FAM163B: variants seen among roughly 807,000 people sequenced by gnomAD.
FAM163B encodes family with sequence similarity 163 member B.
A neutral mutation model predicts 7.6 loss-of-function variants in FAM163B; 4 were observed. That is an observed-to-expected ratio of 0.52 (90% CI 0.26 to 1.20). The LOEUF (loss-of-function observed/expected upper bound fraction) is 1.20. Among genes scored for constraint, FAM163B ranks in the 50% most tolerant of loss-of-function variants. The probability of loss-of-function intolerance (pLI) is 0.14; values close to 1 mark genes in which losing one functional copy is unlikely to be tolerated. For missense variants in FAM163B, 250 were observed against 243.0 expected, an observed-to-expected ratio of 1.03 and a Z score of -0.19; for synonymous variants, 120 against 111.6, an observed-to-expected ratio of 1.07 and a Z score of -0.47.
chr9:133,597,246 C>T (rs931853386), intron 1 of FAM163B, among the ~76,000 whole-genome samples: 1 of 152,004 alleles, frequency 6.6e-6, no homozygotes, highest in Non-Finnish European at 1.5e-5. Flanking sequence ...GTTCAAAACA[C>T]CAGAGGAAAA....
chr9:133,608,324 C>T (rs934119884), intron 1 of FAM163B, among the ~76,000 whole-genome samples: 3 of 152,178 alleles, frequency 2.0e-5, no homozygotes, highest in African/African-American at 7.2e-5. Context: ...TCCGTGGCTG[C>T]GGGAGGACAG....
intron 1 of FAM163B, among the ~76,000 whole-genome samples, chr9:133,584,791 C>G (rs371446639): frequency 6.6e-6 from 1 of 152,204 alleles, no homozygotes; most frequent in African/African-American, 2.4e-5. Flanking sequence ...GGCCAAGCCT[C>G]GGAGGCAGAG....
chr9:133,608,268 G>T (rs1831813170), intron 1 of FAM163B, among the ~76,000 whole-genome samples: 1 of 152,224 alleles, frequency 6.6e-6, no homozygotes, highest in African/African-American at 2.4e-5. Flanking sequence ...GAGCCATCGG[G>T]GTTGCTACGG....
At chr9:133,588,998 G>A (rs1831495329) in intron 1 of FAM163B, among the ~76,000 whole-genome samples, 1 of 152,062 alleles carries the variant, frequency 6.6e-6, no homozygotes, top group Non-Finnish European at 1.5e-5. Context: ...TTCAGGCCCC[G>A]TCTCTCTGTC....
At chr9:133,604,518 T>G (rs189612852) in intron 1 of FAM163B, among the ~76,000 whole-genome samples, 2 of 152,228 alleles carry the variant, frequency 1.3e-5, no homozygotes, top group Admixed American at 1.3e-4. Flanking sequence ...AAAAGCTGAA[T>G]AGCTTGGTTT....
At position 133,608,791 on chromosome 9, in the gene FAM163B, C is replaced by T. The variant is rs144515564; in HGVS notation, c.-24+286G>A. Among the ~76,000 whole-genome samples, 1,368 of 152,340 alleles carry T rather than the reference C, an allele frequency of 9.0e-3. 24 individuals carry two copies. The highest frequency in any genetic ancestry group is 0.031 in the African/African-American group (1,298 of 41,580). The stretch of plus-strand genomic sequence containing the variant: ...AACTTTCCCTCCCCACTGCCCCCTG[C>T]CCCCAGGCCACTGTTCCGAGGGAAA... On this transcript the variant is annotated intron_variant, in intron 1 of 2. Transcript: ENST00000673969.
intron 1 of FAM163B, among the ~76,000 whole-genome samples, chr9:133,594,534 C>T (rs1375652312): frequency 1.3e-5 from 2 of 152,122 alleles, no homozygotes; most frequent in East Asian, 3.9e-4. Context: ...GAAGATGGCT[C>T]CCTCTTCTGG....
At chr9:133,591,831 G>A (rs746729826) in intron 1 of FAM163B, among the ~76,000 whole-genome samples, 3 of 152,108 alleles carry the variant, frequency 2.0e-5, no homozygotes, top group Non-Finnish European at 4.4e-5. Flanking sequence ...AGGCCTGTCC[G>A]TGTGGCCTCT....
intron 1 of FAM163B, among the ~76,000 whole-genome samples, chr9:133,602,346 C>T (rs1588334451): frequency 1.3e-5 from 2 of 152,198 alleles, no homozygotes; most frequent in South Asian, 4.2e-4. Flanking sequence ...TGGAAGAGTT[C>T]GAATCCGGGT....
chr9:133,595,757 C>T (rs1041261506), intron 1 of FAM163B, among the ~76,000 whole-genome samples: 1 of 152,214 alleles, frequency 6.6e-6, no homozygotes, highest in Non-Finnish European at 1.5e-5. Context: ...GGTTGCTCTC[C>T]ACCCCCTTAA....
At position 133,601,592 on chromosome 9, in the gene FAM163B, G is replaced by T. The variant is rs1035795571; in HGVS notation, c.-24+7485C>A. Among the ~76,000 whole-genome samples, 2 of 152,132 alleles carry T rather than the reference G, an allele frequency of 1.3e-5. No homozygotes were observed. Among genetic ancestry groups the T allele is most frequent in the South Asian group, 4.1e-4 (2 of 4,826 alleles). ...CATGGGTCAGACGCAGCTACCCCCC[G>T]GACTGCTCCTACACGCTGGCTTGCT... On this transcript the variant is annotated intron_variant, in intron 1 of 2. Transcript: ENST00000673969. The surrounding 1 kb of genome is among the most constrained non-coding windows in gnomAD (Gnocchi z 4.1).
At position 133,577,710 on chromosome 9, in the gene FAM163B, G is replaced by T. The variant is rs924524439; in HGVS notation, c.*1312C>A. 6.6e-6 allele frequency among the ~76,000 whole-genome samples: 1 copy of T among 152,246 alleles called. No individual in the cohort carries two copies. Among genetic ancestry groups the T allele is most frequent in the Non-Finnish European group, 1.5e-5 (1 of 68,040 alleles). ...GAGGGAAGGGGGCTCCTGGGGCCAG[G>T]CTGCTGAGAGGAAATAATTGCCTCT... On this transcript the variant is annotated 3_prime_UTR_variant, in exon 3 of 3. Coordinates refer to ENST00000673969, the MANE Select transcript of FAM163B (RefSeq NM_001080515.3).
chr9:133,605,340 G>T (rs556488029), intron 1 of FAM163B, among the ~76,000 whole-genome samples: 1 of 152,216 alleles, frequency 6.6e-6, no homozygotes, highest in South Asian at 2.1e-4. Context: ...CTGAGCTACA[G>T]AAGCTGTGCT....
At chr9:133,596,260 A>G (rs905978093) in intron 1 of FAM163B, among the ~76,000 whole-genome samples, 1 of 151,946 alleles carries the variant, frequency 6.6e-6, no homozygotes, top group Non-Finnish European at 1.5e-5. Context: ...GGAGCCCCCG[A>G]GTTTGCCATG....
chr9:133,587,746 C>A (rs922008624), intron 1 of FAM163B, among the ~76,000 whole-genome samples: 1 of 152,086 alleles, frequency 6.6e-6, no homozygotes, highest in African/African-American at 2.4e-5. Flanking sequence ...CTGGGACTCT[C>A]AGGCTGGAGC....
intron 1 of FAM163B, among the ~76,000 whole-genome samples, chr9:133,586,707 T>C (rs1406947135): frequency 6.6e-6 from 1 of 152,094 alleles, no homozygotes; most frequent in Non-Finnish European, 1.5e-5. Flanking sequence ...GAATGGAAGC[T>C]GTTTCCACGT....
At chr9:133,594,982 G>T (rs975501308) in intron 1 of FAM163B, among the ~76,000 whole-genome samples, 1 of 152,168 alleles carries the variant, frequency 6.6e-6, no homozygotes, top group African/African-American at 2.4e-5. Context: ...AGGCAGCAGG[G>T]CGTTGGTGCC....
At chr9:133,593,835 G>A (rs1223775052) in intron 1 of FAM163B, among the ~76,000 whole-genome samples, 1 of 152,240 alleles carries the variant, frequency 6.6e-6, no homozygotes, top group African/African-American at 2.4e-5. Context: ...GGGGCTGGCA[G>A]GGCCAGTGGC....
chr9:133,586,506 G>T (rs1831440481), intron 1 of FAM163B, among the ~76,000 whole-genome samples: 1 of 152,306 alleles, frequency 6.6e-6, no homozygotes, highest in East Asian at 1.9e-4. Flanking sequence ...ATGGCATTTT[G>T]CTGGCCACTT....
Sources: gnomAD v4.1 joint callset for allele counts (sites outside exome capture counted in the v4.1 genomes callset) on GRCh38, gnomAD v4.1.1 for gene constraint, Gnocchi (gnomAD v3.1) non-coding constraint, MANE v1.5 for transcripts, NCBI Gene and HGNC (gene_info 2026-07-23, HGNC 2026-07-21) for gene names.